The following PTGR1 variants were observed in gnomAD, a reference collection of about 807,000 sequenced individuals.
PTGR1 encodes the protein 15-oxoprostaglandin 13-reductase.
In PTGR1, 23 loss-of-function variants were observed where a neutral mutation model predicts 37.7. The observed-to-expected ratio is 0.61, with a 90% confidence interval of 0.44 to 0.86. The LOEUF is 0.86. Among genes scored for constraint, PTGR1 ranks in the 40% least tolerant of loss-of-function variants. PTGR1 has a pLI of 0.00. For synonymous variants in PTGR1, 134 were observed against 140.0 expected, an observed-to-expected ratio of 0.96 and a Z score of 0.30; for missense variants, 351 against 394.3, an observed-to-expected ratio of 0.89 and a Z score of 0.93.
intron 9 of PTGR1, among the ~76,000 whole-genome samples, chr9:111,555,568 C>T (rs571722299): frequency 7.1e-4 from 108 of 152,276 alleles, no homozygotes; most frequent in Non-Finnish European, 1.1e-3. Flanking sequence ...CTCACAGTTC[C>T]GCAGGCTATA....
At chr9:111,550,555 T>C (rs1321174149) in intron 9 of PTGR1, among the ~76,000 whole-genome samples, 1 of 152,170 alleles carries the variant, frequency 6.6e-6, no homozygotes, top group Non-Finnish European at 1.5e-5. Context: ...CCCTAGAAGC[T>C]ACAAGTGTTC....
At chr9:111,563,509 C>CTT (rs769286166) in intron 9 of PTGR1, 181 of 183,038 alleles carry the variant, frequency 9.9e-4, no homozygotes, top group South Asian at 1.7e-3. Context: ...CTTTTTCTTT[C>CTT]TTTTTTTTTT....
rs1219386354 is a variant in PTGR1, at chr9:111,569,960, C to T, written c.879+131G>A. On this transcript the variant is annotated intron_variant, in intron 9 of 9. Transcript: ENST00000407693. ...AAAGTAAGAATATTTATACTCTAAGCACAATGACCCAATAGGGAAAAACTG... is the reference window on the plus strand; with the variant it reads ...AAAGTAAGAATATTTATACTCTAAGTACAATGACCCAATAGGGAAAAACTG... 2.1e-6 allele frequency: 3 copies of T among 1,405,556 alleles called. 1 individual carries two copies. Among genetic ancestry groups the T allele is most frequent in the South Asian group, 2.5e-5 (2 of 78,868 alleles). 87.1% of individuals were successfully genotyped at this position (1,405,556 alleles called of 1,614,324 possible).
At chr9:111,555,372 A>G (rs563336653) in intron 9 of PTGR1, among the ~76,000 whole-genome samples, 2 of 152,264 alleles carry the variant, frequency 1.3e-5, no homozygotes, top group South Asian at 4.1e-4. Flanking sequence ...AGAAAACCTG[A>G]TGCCTCCACC....
At chr9:111,570,928 G>A (rs1306594140) in intron 8 of PTGR1, among the ~76,000 whole-genome samples, 2 of 152,302 alleles carry the variant, frequency 1.3e-5, no homozygotes, top group East Asian at 3.9e-4. Context: ...GATAGAAGCA[G>A]AGATGAGAGA....
intron 4 of PTGR1, among the ~76,000 whole-genome samples, chr9:111,589,709 C>T (rs1378556231): frequency 6.6e-6 from 1 of 151,976 alleles, no homozygotes; most frequent in Non-Finnish European, 1.5e-5. Flanking sequence ...GCGATCTCTG[C>T]TCACTGCAAC....
At chr9:111,567,796 C>A (rs56873548) in intron 9 of PTGR1, among the ~76,000 whole-genome samples, 2,657 of 152,248 alleles carry the variant, frequency 0.017, 73 homozygotes, top group African/African-American at 0.06. Flanking sequence ...CAGGTAGAGT[C>A]CACTACTGTT....
chr9:111,584,478 G>A (rs1829372790), intron 5 of PTGR1, among the ~76,000 whole-genome samples: 1 of 152,212 alleles, frequency 6.6e-6, no homozygotes, highest in African/African-American at 2.4e-5. Flanking sequence ...TGATGTCCTT[G>A]GCAGTGGCAA....
intron 3 of PTGR1, 24 bp from the exon 4 acceptor site, chr9:111,593,006 A>G: frequency 7.0e-7 from 1 of 1,420,506 alleles, no homozygotes; most frequent in Non-Finnish European, 9.7e-7. Context: ...AAAAAAAAAA[A>G]AAAAAAAAAA....
rs762306006 is a variant in PTGR1 at position 111,586,080 on chromosome 9, C to T, written c.295G>A (p.Gly99Arg). ...GTCAGCAGCTTTTCCAGATCTTTCC[C>T]ATCAGAAATGGAGTGCGTTGTCCAG... is the stretch of plus-strand genomic sequence containing the variant. ...PGWTTHSISD[G>R]KDLEKLLTEW... The change falls in exon 5 of 10, where the codon GGG becomes AGG. Residue 99 changes from glycine (G) to arginine (R), a missense_variant. Gly to Arg is a moderately radical substitution (Grantham distance 125). Transcript: ENST00000407693. 4 of 1,614,202 alleles carry T rather than the reference C, an allele frequency of 2.5e-6. No individual in the cohort carries two copies. The South Asian group carries it at 4.4e-5, about 18-fold the overall frequency.
At chr9:111,573,831 C>CA (rs1491518156) in intron 8 of PTGR1, among the ~76,000 whole-genome samples, 1 of 152,088 alleles carries the variant, frequency 6.6e-6, no homozygotes, top group Non-Finnish European at 1.5e-5. Context: ...TTTTGGACCT[C>CA]AGAGTGTGGA....
intron 4 of PTGR1, among the ~76,000 whole-genome samples, chr9:111,590,250 A>G (rs1209688000): frequency 6.6e-6 from 1 of 152,248 alleles, no homozygotes; most frequent in African/African-American, 2.4e-5. Flanking sequence ...AATAAAAGAA[A>G]TGCAAACTAA....
intron 8 of PTGR1, among the ~76,000 whole-genome samples, chr9:111,573,221 C>T (rs1399710041): frequency 6.6e-6 from 1 of 152,186 alleles, no homozygotes; most frequent in African/African-American, 2.4e-5. Flanking sequence ...CAGCTTTGCT[C>T]AGTTGGCAGG....
At chr9:111,556,080 G>A (rs568816624) in intron 9 of PTGR1, among the ~76,000 whole-genome samples, 13 of 152,356 alleles carry the variant, frequency 8.5e-5, no homozygotes, top group Middle Eastern at 6.8e-3. Flanking sequence ...CAGACACTGG[G>A]TAAATGCTCC....
chr9:111,569,177 T>C (rs1355866343), intron 9 of PTGR1, among the ~76,000 whole-genome samples: 1 of 152,094 alleles, frequency 6.6e-6, no homozygotes, highest in East Asian at 1.9e-4. Context: ...AGGCTGGAGA[T>C]AGAGATGGGA....
At chr9:111,582,280 AGGTT>A (rs1484070556) in intron 6 of PTGR1, among the ~76,000 whole-genome samples, 1 of 152,260 alleles carries the variant, frequency 6.6e-6, no homozygotes, top group Non-Finnish European at 1.5e-5. Flanking sequence ...ATGGACAGAA[AGGTT>A]GAATATAAAA....
chr9:111,591,410 C>T (rs1211574809), intron 4 of PTGR1, among the ~76,000 whole-genome samples: 3 of 125,136 alleles, frequency 2.4e-5, no homozygotes, highest in Non-Finnish European at 3.2e-5. Flanking sequence ...CTCACTCTGT[C>T]GCCCAGGCTG....
chr9:111,588,582 A>G lies in PTGR1; in HGVS notation c.210-2417T>C, dbSNP rs570636566. 1.8e-3 allele frequency among the ~76,000 whole-genome samples: 258 copies of G among 141,592 alleles called. 1 individual carries two copies. The highest frequency in any genetic ancestry group is 6.4e-3 in the African/African-American group (243 of 37,880). The allele number at this position is 141,592 out of a possible 152,430, so 92.9% of individuals were successfully genotyped here. On this transcript the variant is annotated intron_variant, in intron 4 of 9. Coordinates refer to ENST00000407693, the MANE Select transcript of PTGR1 (RefSeq NM_001146108.2). The stretch of plus-strand genomic sequence containing the variant: ...AATCTGTTGCCCAGGCTGGAGTCCA[A>G]TGGCGAGATCTCAGCTCACTGCAAC...
intron 9 of PTGR1, among the ~76,000 whole-genome samples, chr9:111,555,612 C>T (rs752080439): frequency 6.6e-6 from 1 of 152,154 alleles, no homozygotes; most frequent in Non-Finnish European, 1.5e-5. Flanking sequence ...CAGGAACTTA[C>T]AGTCATGGCA....
Sources: gnomAD v4.1 joint callset for allele counts (sites outside exome capture counted in the v4.1 genomes callset) on GRCh38, gnomAD v4.1.1 for gene constraint, MANE v1.5 for transcripts, NCBI Gene and HGNC (gene_info 2026-07-23, HGNC 2026-07-21) for gene names.